CNTN5: variants seen among roughly 807,000 people sequenced by gnomAD.
CNTN5 encodes contactin 5.
A neutral mutation model predicts 129.1 loss-of-function variants in CNTN5; 77 were observed. The ratio of observed to expected loss-of-function variants is 0.60; its 90% confidence interval spans 0.50 to 0.72. The LOEUF (loss-of-function observed/expected upper bound fraction) is 0.72. Among genes scored for constraint, CNTN5 ranks in the 30% least tolerant of loss-of-function variants. CNTN5 has a pLI of 0.00. For missense variants in CNTN5, 1,478 were observed against 1,328.8 expected, an observed-to-expected ratio of 1.11 and a Z score of -1.75; for synonymous variants, 509 against 465.6, an observed-to-expected ratio of 1.09 and a Z score of -1.20.
intron 3 of CNTN5, among the ~76,000 whole-genome samples, chr11:99,764,599 A>G (rs1320400425): frequency 6.6e-6 from 1 of 152,024 alleles, no homozygotes. Flanking sequence ...CATTTTTAGT[A>G]GAGTTGGGGT....
At chr11:99,040,399 A>G (rs2135134211) in intron 1 of CNTN5, among the ~76,000 whole-genome samples, 1 of 152,232 alleles carries the variant, frequency 6.6e-6, no homozygotes, top group African/African-American at 2.4e-5. Flanking sequence ...TAGTAAATAC[A>G]TTTTATAAGA....
chr11:99,189,981 T>A (rs1858552096), intron 1 of CNTN5, among the ~76,000 whole-genome samples: 1 of 151,674 alleles, frequency 6.6e-6, no homozygotes, highest in African/African-American at 2.4e-5. Flanking sequence ...AAATATTGTC[T>A]AGACCAATGT....
intron 3 of CNTN5, among the ~76,000 whole-genome samples, chr11:99,720,165 C>CT (rs1349539370): frequency 6.6e-6 from 1 of 152,120 alleles, no homozygotes; most frequent in Admixed American, 6.6e-5. Context: ...CTCCTCCACT[C>CT]TATCTATGAG....
intron 13 of CNTN5, among the ~76,000 whole-genome samples, chr11:100,080,710 G>A (rs1944329415): frequency 6.6e-6 from 1 of 152,066 alleles, no homozygotes; most frequent in Admixed American, 6.6e-5. Flanking sequence ...CTGTGACAGT[G>A]TCTTTTACAT....
intron 3 of CNTN5, among the ~76,000 whole-genome samples, chr11:99,816,489 C>T (rs1946591592): frequency 6.6e-6 from 1 of 152,104 alleles, no homozygotes; most frequent in Admixed American, 6.6e-5. Context: ...TTGCCTTTTC[C>T]TTCATTCTTA....
chr11:100,323,475 C>A (rs1951732236), intron 21 of CNTN5, among the ~76,000 whole-genome samples: 1 of 152,132 alleles, frequency 6.6e-6, no homozygotes, highest in Non-Finnish European at 1.5e-5. Context: ...AGTAAACTCT[C>A]CTCTAGCTTC....
At chr11:99,895,284 C>T (rs1949176431) in intron 6 of CNTN5, among the ~76,000 whole-genome samples, 1 of 152,306 alleles carries the variant, frequency 6.6e-6, no homozygotes, top group Non-Finnish European at 1.5e-5. Context: ...TATTGACATT[C>T]CCTATAGTTA....
chr11:100,290,424 A>G lies in CNTN5; in HGVS notation c.2315-7201A>G, dbSNP rs1950933159. On this transcript the variant is annotated intron_variant, in intron 18 of 24. Transcript: ENST00000524871. ...CAAAACAGAGATATAGATCAATGGA[A>G]CAGAACAGAGCCCTCAGAAATAATG... 2.7e-5 allele frequency among the ~76,000 whole-genome samples: 4 copies of G among 149,070 alleles called. 1 individual carries two copies. In the South Asian group the frequency reaches 8.7e-4, roughly 32 times the overall value.
chr11:99,101,381 T>C (rs1383015680), intron 1 of CNTN5, among the ~76,000 whole-genome samples: 1 of 151,952 alleles, frequency 6.6e-6, no homozygotes, highest in East Asian at 1.9e-4. Context: ...TTCCCAACAG[T>C]CCCCCAAAGT....
intron 7 of CNTN5, among the ~76,000 whole-genome samples, chr11:99,951,267 G>GT (rs1375286628): frequency 3.7e-5 from 4 of 109,256 alleles, no homozygotes; most frequent in East Asian, 4.9e-4. Context: ...GAAGAACTAG[G>GT]TAAAAAAAAA....
intron 6 of CNTN5, among the ~76,000 whole-genome samples, chr11:99,895,661 G>A (rs1305117699): frequency 2.0e-5 from 3 of 152,090 alleles, no homozygotes; most frequent in South Asian, 2.1e-4. Flanking sequence ...GGAAGAGTGA[G>A]TGAGTAAGAG....
At chr11:99,962,311 C>T (rs1485038751) in intron 8 of CNTN5, among the ~76,000 whole-genome samples, 2 of 135,852 alleles carry the variant, frequency 1.5e-5, no homozygotes. Flanking sequence ...CTCCCCCTCC[C>T]CCCACCCCAC....
At chr11:99,515,853 T>C (rs982846601) in intron 2 of CNTN5, among the ~76,000 whole-genome samples, 2 of 151,856 alleles carry the variant, frequency 1.3e-5, no homozygotes, top group Non-Finnish European at 2.9e-5. Flanking sequence ...TATTATCTCA[T>C]ACAAAATGAA....
At chr11:99,379,309 T>G (rs891943716) in intron 2 of CNTN5, among the ~76,000 whole-genome samples, 12 of 151,630 alleles carry the variant, frequency 7.9e-5, no homozygotes, top group Non-Finnish European at 1.6e-4. Flanking sequence ...TTTTTTTATA[T>G]TATCTCTAAC....
chr11:99,049,767 T>TTA lies in CNTN5; in HGVS notation c.-210+28505_-210+28506dup, dbSNP rs1398639495. ...CTACCACTGGCTGACTGCACTTGAC[T>TTA]TATATATATTTGGGCTCCTGTATAT... On this transcript the variant is annotated intron_variant, in intron 1 of 24. Coordinates refer to ENST00000524871, the MANE Select transcript of CNTN5 (RefSeq NM_014361.4). The TTA allele has an allele frequency of 3.3e-5, 5 of 152,130 alleles. No homozygotes were observed. The East Asian group carries it at 9.7e-4, about 29-fold the overall frequency. 9.4% of individuals were successfully genotyped at this position (152,130 alleles called of 1,614,324 possible).
intron 13 of CNTN5, among the ~76,000 whole-genome samples, chr11:100,099,259 G>T (rs957547309): frequency 1.3e-4 from 20 of 152,044 alleles, no homozygotes; most frequent in Non-Finnish European, 2.9e-4. Flanking sequence ...GTCCTAGTTT[G>T]CCCAGGATTA....
At chr11:99,742,372 A>T (rs1296078706) in intron 3 of CNTN5, among the ~76,000 whole-genome samples, 1 of 131,786 alleles carries the variant, frequency 7.6e-6, no homozygotes, top group Non-Finnish European at 1.6e-5. Context: ...TGTACTTAAC[A>T]CGTAAGATTT....
At chr11:99,655,417 C>G (rs1408298220) in intron 3 of CNTN5, among the ~76,000 whole-genome samples, 1 of 152,034 alleles carries the variant, frequency 6.6e-6, no homozygotes, top group African/African-American at 2.4e-5. Flanking sequence ...GAGGACAATT[C>G]CAGTTCTATA....
At chr11:100,122,735 G>C (rs1251579507) in intron 13 of CNTN5, among the ~76,000 whole-genome samples, 2 of 152,060 alleles carry the variant, frequency 1.3e-5, no homozygotes, top group African/African-American at 2.4e-5. Flanking sequence ...GGGGAGGTCA[G>C]AGCCAAGAGG....
Sources: gnomAD v4.1 joint callset for allele counts (sites outside exome capture counted in the v4.1 genomes callset) on GRCh38, gnomAD v4.1.1 for gene constraint, MANE v1.5 for transcripts, NCBI Gene and HGNC (gene_info 2026-07-23, HGNC 2026-07-21) for gene names.